Variants in PCDHGB6 observed in about 807,000 individuals in gnomAD.
The protein encoded by PCDHGB6 is protocadherin gamma subfamily B, 6.
A neutral mutation model predicts 59.1 loss-of-function variants in PCDHGB6; 51 were observed. The ratio of observed to expected loss-of-function variants is 0.86; its 90% CI spans 0.69 to 1.09. The LOEUF (loss-of-function observed/expected upper bound fraction) is 1.09. Ranked by LOEUF, PCDHGB6 falls within the 50% of genes least tolerant of loss-of-function variation. The pLI is 0.00. For missense variants in PCDHGB6, 1,148 were observed against 1,205.1 expected (o/e 0.95, Z 0.70); for synonymous variants, 466 against 495.1 (o/e 0.94, Z 0.78).
At chr5:141,422,041 G>T in intron 1 of PCDHGB6, 3 of 1,611,632 alleles carry the variant, frequency 1.9e-6, no homozygotes, top group South Asian at 1.1e-5. Context: ...GGATCCAGAC[G>T]AGGGAATCAA....
At chr5:141,448,449 T>C (rs528049717) in intron 1 of PCDHGB6, among the ~76,000 whole-genome samples, 1 of 152,284 alleles carries the variant, frequency 6.6e-6, no homozygotes, top group South Asian at 2.1e-4. Context: ...CTGACTTCCA[T>C]CCCTATCCTA....
intron 1 of PCDHGB6, among the ~76,000 whole-genome samples, chr5:141,483,310 A>G (rs2099579870): frequency 6.6e-6 from 1 of 152,156 alleles, no homozygotes; most frequent in African/African-American, 2.4e-5. Context: ...GACTGGGGAC[A>G]TTGGGACTGG....
chr5:141,415,435 C>G, intron 1 of PCDHGB6: 1 of 1,614,202 alleles, frequency 6.2e-7, no homozygotes. Flanking sequence ...TCGGGCTTTC[C>G]TGCAGACCTA....
At chr5:141,478,862 C>T (rs1057119202) in intron 1 of PCDHGB6, 23 of 1,325,916 alleles carry the variant, frequency 1.7e-5, no homozygotes, top group Non-Finnish European at 2.2e-5. Flanking sequence ...AAGATCTCAG[C>T]GATCAGAGTT....
chr5:141,422,795 A>G lies in PCDHGB6; in HGVS notation c.2418+12175A>G, dbSNP rs543001807. ...CTCTATGCCCTACAATCCTTCGACTATGAGCAGTTTCGAGACTTAGAACTG... is the reference window on the plus strand; with the variant it reads ...CTCTATGCCCTACAATCCTTCGACTGTGAGCAGTTTCGAGACTTAGAACTG... On this transcript the variant is annotated intron_variant, in intron 1 of 3. Transcript: ENST00000520790. 14 of 1,614,198 alleles carry G rather than the reference A, an allele frequency of 8.7e-6. No homozygotes were observed. In the East Asian group the frequency reaches 1.8e-4, roughly 21 times the overall value.
In PCDHGB6 at chr5:141,512,903, C is replaced by G. The variant is rs2099884492; in HGVS notation, c.*1730C>G. On this transcript the variant is annotated 3_prime_UTR_variant, in exon 4 of 4. Coordinates refer to ENST00000520790, the MANE Select transcript of PCDHGB6 (RefSeq NM_018926.3). ...CCCCACCCTCTTCCTGTGTCTCACG[C>G]AAGTTTTATACTCTAATATTTATAT... 6.6e-6 allele frequency: 1 copy of G among 152,224 alleles called. No homozygotes were observed. Among genetic ancestry groups the G allele is most frequent in the African/African-American group, 2.4e-5 (1 of 41,452 alleles). 9.4% of individuals were successfully genotyped at this position (152,224 alleles called of 1,614,324 possible).
intron 1 of PCDHGB6, chr5:141,415,740 G>GTGT: frequency 1.6e-6 from 1 of 617,992 alleles, no homozygotes; most frequent in Non-Finnish European, 2.1e-6. Context: ...GTTTATTAAG[G>GTGT]TTTTTTTTTT....
At position 141,421,041 on chromosome 5, in the gene PCDHGB6, C is replaced by T. The variant is rs963777669; in HGVS notation, c.2418+10421C>T. The T allele has an allele frequency of 1.8e-5, 10 of 546,514 alleles. No individual in the cohort carries two copies. The African/African-American group carries it at 1.9e-4, about 11-fold the overall frequency. 33.9% of individuals were successfully genotyped at this position (546,514 alleles called of 1,614,324 possible). A position where few individuals can be genotyped will look rare whatever the true frequency, so the allele number is the denominator to read the frequency against. ...CTGCGCGCCATTGAGTCCCTCCCTC[C>T]CCCGCCTCTACCACACAAAGCGGAA... On this transcript the variant is annotated intron_variant, in intron 1 of 3. Coordinates refer to ENST00000520790, the MANE Select transcript of PCDHGB6 (RefSeq NM_018926.3).
At chr5:141,502,398 C>T (rs1303456458) in intron 2 of PCDHGB6, among the ~76,000 whole-genome samples, 1 of 151,688 alleles carries the variant, frequency 6.6e-6, no homozygotes, top group Non-Finnish European at 1.5e-5. Flanking sequence ...TTAAAATGTC[C>T]CCGAACCTGG....
At chr5:141,442,309 G>C (rs1483682583) in intron 1 of PCDHGB6, 1 of 152,418 alleles carries the variant, frequency 6.6e-6, no homozygotes, top group Non-Finnish European at 1.5e-5. Flanking sequence ...TCTTTCCCAC[G>C]GATGTCTATC....
At chr5:141,425,842 T>G (rs2096897830) in intron 1 of PCDHGB6, among the ~76,000 whole-genome samples, 1 of 152,230 alleles carries the variant, frequency 6.6e-6, no homozygotes, top group Non-Finnish European at 1.5e-5. Context: ...TTCTCTTTGC[T>G]GGGTTAATGA....
At chr5:141,461,251 A>G (rs925406409) in intron 1 of PCDHGB6, among the ~76,000 whole-genome samples, 1 of 152,156 alleles carries the variant, frequency 6.6e-6, no homozygotes, top group Non-Finnish European at 1.5e-5. Flanking sequence ...TTATATTCCC[A>G]GCAGCAATGT....
In PCDHGB6 at chr5:141,505,496, T is replaced by C; in HGVS notation, c.2566+15T>C. 6.2e-7 allele frequency: 1 copy of C among 1,614,148 alleles called. No homozygotes were observed. The highest frequency in any genetic ancestry group is 8.5e-7 in the Non-Finnish European group (1 of 1,180,004). ...GTCCGCCAGTGGTAAGTGGTGTCAGTGTGTGTATGGAAGAGTGGGAGACCT... is the reference window on the plus strand; with the variant it reads ...GTCCGCCAGTGGTAAGTGGTGTCAGCGTGTGTATGGAAGAGTGGGAGACCT... On this transcript the variant is annotated intron_variant, in intron 3 of 3. Transcript: ENST00000520790.
Position 141,432,617 on chromosome 5 carries a change from G to T in PCDHGB6, c.2418+21997G>T, listed in dbSNP as rs2097521313. The T allele has an allele frequency of 6.2e-7, 1 of 1,613,578 alleles. No homozygotes were observed. The highest frequency in any genetic ancestry group is 1.3e-5 in the African/African-American group (1 of 74,842). On this transcript the variant is annotated intron_variant, in intron 1 of 3. Coordinates refer to ENST00000520790, the MANE Select transcript of PCDHGB6 (RefSeq NM_018926.3). This position sits in a 1 kb window ranked among gnomAD's most constrained non-coding sequence, Gnocchi z 6.0. ...CAGCGAGCCGGGACTCTTCTCGGTGGGTCTGCACACGGGCGAGGTGCGCAC... is the reference window on the plus strand; with the variant it reads ...CAGCGAGCCGGGACTCTTCTCGGTGTGTCTGCACACGGGCGAGGTGCGCAC...
At chr5:141,419,972 C>T (rs534128024) in intron 1 of PCDHGB6, 3 of 1,613,948 alleles carry the variant, frequency 1.9e-6, no homozygotes, top group South Asian at 1.1e-5. Flanking sequence ...GCTCTTTCTC[C>T]TCGCGGTGAT....
At chr5:141,428,155 G>A (rs767716956) in intron 1 of PCDHGB6, 7 of 1,581,618 alleles carry the variant, frequency 4.4e-6, no homozygotes, top group East Asian at 2.2e-5. Flanking sequence ...ACGGGAACCT[G>A]CTGGTTGCTG....
At chr5:141,427,856 C>T (rs1487451079) in intron 1 of PCDHGB6, 6 of 1,553,060 alleles carry the variant, frequency 3.9e-6, no homozygotes, top group Non-Finnish European at 5.3e-6. Flanking sequence ...AGCAGCTGTG[C>T]GCCTTCGAGC....
chr5:141,477,031 A>G lies in PCDHGB6; in HGVS notation c.2419-17776A>G. 2 of 1,614,248 alleles carry G rather than the reference A, an allele frequency of 1.2e-6. No homozygotes were observed. The highest frequency in any genetic ancestry group is 2.2e-5 in the East Asian group (1 of 44,880). On this transcript the variant is annotated intron_variant, in intron 1 of 3. Transcript: ENST00000520790. This position sits in a 1 kb window ranked among gnomAD's most constrained non-coding sequence, Gnocchi z 4.9. ...TAGACCTTGTAACCGGGATGCTGAC[A>G]ATCAAGGGTCGGCTGGACTTCGAGG...
In PCDHGB6 at chr5:141,415,645, A is replaced by T. The variant is rs200555070; in HGVS notation, c.2418+5025A>T. On this transcript the variant is annotated intron_variant, in intron 1 of 3. Transcript: ENST00000520790. The stretch of plus-strand genomic sequence containing the variant: ...TATTTTCATTTTTACTTTTGTTAAA[A>T]AAAAAAAGATTGGTTTTTACTTTGA... The T allele has an allele frequency of 3.5e-3, 5,682 of 1,600,720 alleles. 22 individuals carry two copies. The highest frequency in any genetic ancestry group is 5.0e-3 in the Middle Eastern group (30 of 6,044).
Sources: allele counts gnomAD v4.1 joint callset (sites outside exome capture counted in the v4.1 genomes callset), GRCh38; gene constraint gnomAD v4.1.1; non-coding constraint Gnocchi (gnomAD v3.1); transcripts MANE v1.5; gene names NCBI Gene and HGNC (gene_info 2026-07-23, HGNC 2026-07-21).